The following ABCD3 variants were observed in gnomAD, a reference collection of about 807,000 sequenced individuals.
ABCD3 encodes ATP binding cassette subfamily D member 3.
A neutral mutation model predicts 105.5 loss-of-function variants in ABCD3; 41 were observed. That is an observed-to-expected ratio of 0.39 (90% CI 0.30 to 0.50). The LOEUF (loss-of-function observed/expected upper bound fraction) is 0.50. Ranked by LOEUF, ABCD3 falls within the 20% of genes least tolerant of loss-of-function variation. The probability of loss-of-function intolerance (pLI) is 0.84; values close to 1 mark genes in which losing one functional copy is unlikely to be tolerated. For synonymous variants in ABCD3, 258 were observed against 269.0 expected, an observed-to-expected ratio of 0.96 and a Z score of 0.40; for missense variants, 622 against 806.3, an observed-to-expected ratio of 0.77 and a Z score of 2.77.
At chr1:94,433,725 C>T (rs558235404) in intron 1 of ABCD3, among the ~76,000 whole-genome samples, 13 of 150,886 alleles carry the variant, frequency 8.6e-5, no homozygotes, top group Admixed American at 4.0e-4. Flanking sequence ...TGGCTTACTG[C>T]AACCTCCGCC....
chr1:94,514,977 A>T, intron 21 of ABCD3, 169 bp from the exon 22 acceptor site: 1 of 606,926 alleles, frequency 1.6e-6, no homozygotes, highest in South Asian at 2.0e-5. Flanking sequence ...GATGGCCAGT[A>T]CTTTCCATTG....
chr1:94,500,022 C>T (rs569155177), intron 20 of ABCD3, among the ~76,000 whole-genome samples: 1 of 152,108 alleles, frequency 6.6e-6, no homozygotes, highest in Non-Finnish European at 1.5e-5. Flanking sequence ...GTATTAGAAA[C>T]GATCCATTCA....
chr1:94,454,289 A>G (rs994488984), intron 1 of ABCD3, among the ~76,000 whole-genome samples: 3 of 152,224 alleles, frequency 2.0e-5, no homozygotes, highest in Admixed American at 6.5e-5. Context: ...GAAAAGGAAA[A>G]TAAATATCTT....
In ABCD3 at chr1:94,518,496, TA is replaced by T. The variant is rs4148061; in HGVS notation, c.*1385del. ...TTGTATACTTATTTTCTGTTCAGAT[TA>T]AAAAAAAAAAAAAAAAACTCAGATA... On this transcript the variant is annotated 3_prime_UTR_variant, in exon 23 of 23. Transcript: ENST00000370214. 0.37 allele frequency: 50,382 copies of T among 137,978 alleles called. 10,161 individuals are homozygous for T. The highest frequency in any genetic ancestry group is 0.55 in the Middle Eastern group (150 of 274). 8.5% of individuals were successfully genotyped at this position (137,978 alleles called of 1,614,324 possible).
intron 19 of ABCD3, 102 bp from the exon 20 acceptor site, chr1:94,499,391 TAC>T: frequency 7.9e-7 from 1 of 1,264,234 alleles, no homozygotes. Context: ...TTTTAAGTGG[TAC>T]AGACAATAGA....
rs866388245 is a variant in ABCD3, at chr1:94,487,779, G to A, written c.1053G>A (p.Ser351=). ...CTCGACATCTCAAGAGTACACATTC[G>A]GAACTTCTAGAGGTAAACTGATGAT... ...SHPRHLKSTH[S]ELLEDYYQSG... The change falls in exon 12 of 23, where the codon TCG becomes TCA. Residue 351 remains serine (S), a synonymous_variant. Coordinates refer to ENST00000370214, the MANE Select transcript of ABCD3 (RefSeq NM_002858.4). 3.7e-6 allele frequency: 6 copies of A among 1,613,586 alleles called. No individual in the cohort carries two copies. Among genetic ancestry groups the A allele is most frequent in the Admixed American group, 1.7e-5 (1 of 59,956 alleles).
At chr1:94,491,299 C>A in intron 16 of ABCD3, 52 bp downstream of exon 16, 1 of 1,325,754 alleles carries the variant, frequency 7.5e-7, no homozygotes, top group Non-Finnish European at 1.1e-6. Flanking sequence ...AAAATGTGAA[C>A]TGAAAAAGAT....
chr1:94,444,838 G>A (rs4424519), intron 1 of ABCD3, among the ~76,000 whole-genome samples: 39,163 of 151,934 alleles, frequency 0.26, 5,675 homozygotes, highest in Admixed American at 0.34. Flanking sequence ...CCTAAAACTG[G>A]CCATAAACAA....
intron 8 of ABCD3, among the ~76,000 whole-genome samples, chr1:94,479,378 T>TG (rs1274331891): frequency 1.3e-5 from 2 of 152,160 alleles, no homozygotes; most frequent in Non-Finnish European, 2.9e-5. Context: ...TTTAGTTATC[T>TG]TTTTGGTCCA....
At chr1:94,436,566 G>A (rs1398750874) in intron 1 of ABCD3, among the ~76,000 whole-genome samples, 4 of 152,078 alleles carry the variant, frequency 2.6e-5, no homozygotes, top group Admixed American at 6.6e-5. Flanking sequence ...GTGCTTTGGC[G>A]GTAATGTGTT....
At position 94,494,346 on chromosome 1, in the gene ABCD3, C is replaced by A. The variant is rs573566286; in HGVS notation, c.1386+3099C>A. On this transcript the variant is annotated intron_variant, in intron 16 of 22. Transcript: ENST00000370214. ...GTGTTTATCCTGTGATTCTTGTTTTCTCCTCCCCTGGGAACTGTTTCTCTG... is the reference window on the plus strand; with the variant it reads ...GTGTTTATCCTGTGATTCTTGTTTTATCCTCCCCTGGGAACTGTTTCTCTG... Among the ~76,000 whole-genome samples the A allele has an allele frequency of 5.7e-4, 86 of 152,166 alleles. 1 individual carries two copies. The South Asian group carries it at 0.016, about 29-fold the overall frequency.
intron 4 of ABCD3, 71 bp downstream of exon 4, chr1:94,468,078 A>T (rs940313792): frequency 2.0e-5 from 21 of 1,073,368 alleles, no homozygotes; most frequent in Non-Finnish European, 3.0e-5. Flanking sequence ...CATTATCTTT[A>T]TAAGCAACAA....
rs540924146 is a variant in ABCD3 at position 94,480,590 on chromosome 1, C to T, written c.811C>T (p.Arg271Trp). 20 of 1,613,628 alleles carry T rather than the reference C, an allele frequency of 1.2e-5. No homozygotes were observed. The highest frequency in any genetic ancestry group is 5.3e-5 in the African/African-American group (4 of 75,000). ...AGGAGAATATAGATATGTTAATTCTCGGCTCATCACAAACAGGTAAAGACA... is the reference window on the plus strand; with the variant it reads ...AGGAGAATATAGATATGTTAATTCTTGGCTCATCACAAACAGGTAAAGACA... ...YEGEYRYVNSRLITNSEEIAF... is the reference protein window; with the variant it reads ...YEGEYRYVNSWLITNSEEIAF... Residue 271 changes from arginine to tryptophan, a missense_variant, in exon 9 of 23, where the codon CGG (arginine) becomes TGG (tryptophan). Physicochemically the swap from Arg to Trp is moderately radical, Grantham distance 101. Coordinates refer to ENST00000370214, the MANE Select transcript of ABCD3 (RefSeq NM_002858.4).
In ABCD3 at chr1:94,480,460, A is replaced by G. The variant is rs772792167; in HGVS notation, c.685-4A>G. The G allele has an allele frequency of 6.2e-7, 1 of 1,613,762 alleles. No homozygotes were observed. The highest frequency in any genetic ancestry group is 8.5e-7 in the Non-Finnish European group (1 of 1,179,780). On this transcript the variant is annotated splice_polypyrimidine_tract_variant and splice_region_variant and intron_variant, in intron 8 of 22. Transcript: ENST00000370214. ...TGTGTATCTTTCTCTCCCAATAATA[A>G]TAGGGCCCAGCGAGCATGATGGCCT...
At position 94,436,504 on chromosome 1, in the gene ABCD3, G is replaced by T. The variant is rs144092565; in HGVS notation, c.110+17916G>T. Among the ~76,000 whole-genome samples the T allele has an allele frequency of 2.5e-3, 378 of 152,198 alleles. 1 individual carries two copies. The highest frequency in any genetic ancestry group is 8.8e-3 in the African/African-American group (365 of 41,512). On this transcript the variant is annotated intron_variant, in intron 1 of 22. Transcript: ENST00000370214. ...TTTTTGGTTGTACTGTATCTGTGTT[G>T]TCAGAGCATATTGATATAGGCATGC...
intron 13 of ABCD3, 46 bp from the exon 14 acceptor site, chr1:94,489,679 C>A: frequency 7.6e-7 from 1 of 1,323,180 alleles, no homozygotes; most frequent in Non-Finnish European, 1.1e-6. Context: ...AAAGATGTGA[C>A]AATAGTCTGG....
At chr1:94,456,255 ATTTTTTTTTTTTTTTTT>A (rs71094301) in intron 1 of ABCD3, among the ~76,000 whole-genome samples, 475 of 44,996 alleles carry the variant, frequency 0.011, 8 homozygotes, top group African/African-American at 0.039. Context: ...AAATGACAGA[ATTTTTTTTTTTTTTTTT>A]TTTTTTTTTT....
At chr1:94,487,090 A>G (rs1204646849) in intron 10 of ABCD3, among the ~76,000 whole-genome samples, 1 of 152,134 alleles carries the variant, frequency 6.6e-6, no homozygotes, top group African/African-American at 2.4e-5. Flanking sequence ...GTGTAATACA[A>G]TTCTTAGATA....
chr1:94,488,029 ATATATTATCCT>A, intron 13 of ABCD3, 46 bp downstream of exon 13: 1 of 1,405,456 alleles, frequency 7.1e-7, no homozygotes, highest in South Asian at 1.2e-5. Flanking sequence ...ATTTTTAAAA[ATATATTATCCT>A]TAATGATTGT....
Sources: gnomAD v4.1 joint callset for allele counts (sites outside exome capture counted in the v4.1 genomes callset) on GRCh38, gnomAD v4.1.1 for gene constraint, MANE v1.5 for transcripts, NCBI Gene and HGNC (gene_info 2026-07-23, HGNC 2026-07-21) for gene names.